Variants in GRM7 observed in about 807,000 individuals in gnomAD.
GRM7 encodes the protein glutamate metabotropic receptor 7, also known as metabotropic glutamate receptor 7.
In GRM7, 35 loss-of-function variants were observed where a neutral mutation model predicts 84.5. The observed-to-expected ratio is 0.41, with a 90% CI of 0.32 to 0.55. GRM7 has a LOEUF of 0.55. Ranked by LOEUF, GRM7 falls within the 20% of genes least tolerant of loss-of-function variation. GRM7 has a pLI of 0.19. For missense variants in GRM7, 1,003 were observed against 1,194.6 expected (o/e 0.84, Z 2.36); for synonymous variants, 487 against 455.1 (o/e 1.07, Z -0.89).
intron 4 of GRM7, among the ~76,000 whole-genome samples, chr3:7,390,147 G>A (rs983399787): frequency 2.6e-5 from 4 of 151,882 alleles, no homozygotes; most frequent in African/African-American, 7.3e-5. Context: ...TTCTCAGCTG[G>A]CATTTTTTTC....
At chr3:6,938,060 G>A (rs143568921) in intron 1 of GRM7, among the ~76,000 whole-genome samples, 1,681 of 152,248 alleles carry the variant, frequency 0.011, 12 homozygotes, top group Middle Eastern at 0.054. Flanking sequence ...CACAAGTTAG[G>A]TTGTCTGACT....
At chr3:7,036,899 C>A (rs903754298) in intron 1 of GRM7, among the ~76,000 whole-genome samples, 16 of 152,094 alleles carry the variant, frequency 1.1e-4, no homozygotes, top group Non-Finnish European at 2.9e-5. Flanking sequence ...CAAGTTGCTC[C>A]ATCTACAAAA....
At chr3:6,968,308 T>A (rs1693609816) in intron 1 of GRM7, among the ~76,000 whole-genome samples, 1 of 152,228 alleles carries the variant, frequency 6.6e-6, no homozygotes, top group Non-Finnish European at 1.5e-5. Flanking sequence ...CTTCTTATTA[T>A]GAGAACACTA....
At chr3:7,131,345 G>A (rs1693591720) in intron 1 of GRM7, among the ~76,000 whole-genome samples, 1 of 152,142 alleles carries the variant, frequency 6.6e-6, no homozygotes, top group African/African-American at 2.4e-5. Flanking sequence ...AGTGATGCCG[G>A]TATCCTCATG....
At chr3:6,993,347 A>G (rs1237942093) in intron 1 of GRM7, among the ~76,000 whole-genome samples, 2 of 152,208 alleles carry the variant, frequency 1.3e-5, no homozygotes, top group African/African-American at 2.4e-5. Context: ...GGAGGTATCA[A>G]AAAGGAGCAG....
chr3:7,336,027 A>G (rs565814707), intron 4 of GRM7, among the ~76,000 whole-genome samples: 2 of 152,154 alleles, frequency 1.3e-5, no homozygotes, highest in South Asian at 4.1e-4. Flanking sequence ...TAAAGAGGGA[A>G]TTCTCCCTAA....
At chr3:7,202,274 A>C (rs1045745943) in intron 2 of GRM7, among the ~76,000 whole-genome samples, 1 of 152,130 alleles carries the variant, frequency 6.6e-6, no homozygotes, top group Non-Finnish European at 1.5e-5. Context: ...GTTTATTGCC[A>C]TTCCTCAATT....
intron 4 of GRM7, among the ~76,000 whole-genome samples, chr3:7,391,684 T>A (rs1164904261): frequency 6.6e-6 from 1 of 151,548 alleles, no homozygotes; most frequent in Non-Finnish European, 1.5e-5. Flanking sequence ...ATTGTGCACA[T>A]GTACCCTAGA....
At chr3:7,074,908 G>A (rs1240731674) in intron 1 of GRM7, among the ~76,000 whole-genome samples, 2 of 152,166 alleles carry the variant, frequency 1.3e-5, no homozygotes, top group African/African-American at 4.8e-5. Context: ...AAAGCCAGCT[G>A]AACTTGTAAC....
intron 8 of GRM7, among the ~76,000 whole-genome samples, chr3:7,656,244 T>C (rs1310110112): frequency 1.3e-5 from 2 of 152,090 alleles, no homozygotes; most frequent in Admixed American, 6.6e-5. Flanking sequence ...AAGCCCAGCA[T>C]TTGGGAGGCC....
intron 1 of GRM7, among the ~76,000 whole-genome samples, chr3:6,945,708 A>C (rs1462754782): frequency 1.3e-5 from 2 of 152,102 alleles, no homozygotes; most frequent in African/African-American, 4.8e-5. Flanking sequence ...ATTTCTCCAC[A>C]TCCTCTCCAG....
chr3:7,348,534 C>T (rs780039155), intron 4 of GRM7, among the ~76,000 whole-genome samples: 13 of 151,984 alleles, frequency 8.6e-5, no homozygotes, highest in Non-Finnish European at 1.8e-4. Context: ...CCAAATAGAC[C>T]CCAAGTGCAT....
At chr3:7,627,737 C>T (rs1029499562) in intron 8 of GRM7, among the ~76,000 whole-genome samples, 2 of 152,146 alleles carry the variant, frequency 1.3e-5, no homozygotes, top group Admixed American at 1.3e-4. Flanking sequence ...TAGGTGTTAG[C>T]AGAATTGGTT....
At chr3:6,925,480 C>T (rs1697266920) in intron 1 of GRM7, among the ~76,000 whole-genome samples, 1 of 152,106 alleles carries the variant, frequency 6.6e-6, no homozygotes, top group African/African-American at 2.4e-5. Flanking sequence ...TCAGCACCCT[C>T]CTCAGATGAG....
rs1698467010 is a variant in GRM7, at chr3:7,086,602, GCCTCTAGAGCTCCACATCAACGTAT to G, written c.520-59846_520-59822del. 2.0e-5 allele frequency among the ~76,000 whole-genome samples: 3 copies of G among 152,178 alleles called. No individual in the cohort carries two copies. In the South Asian group the frequency reaches 6.2e-4, roughly 31 times the overall value. The stretch of plus-strand genomic sequence containing the variant: ...CTTCTGTGCAACTTGATGTTTGCCA[GCCTCTAGAGCTCCACATCAACGTAT>G]CCTGCTCAGTGCTTTGTTCATCTTT... On this transcript the variant is annotated intron_variant, in intron 1 of 9. Coordinates refer to ENST00000357716, the MANE Select transcript of GRM7 (RefSeq NM_000844.4).
intron 1 of GRM7, among the ~76,000 whole-genome samples, chr3:7,033,587 T>G (rs933997644): frequency 1.3e-5 from 2 of 152,174 alleles, no homozygotes; most frequent in Non-Finnish European, 2.9e-5. Flanking sequence ...TTACAAAATG[T>G]TTATGAAAGG....
At chr3:7,177,591 A>G (rs1017429414) in intron 2 of GRM7, among the ~76,000 whole-genome samples, 3 of 151,126 alleles carry the variant, frequency 2.0e-5, no homozygotes, top group Non-Finnish European at 4.4e-5. Flanking sequence ...ACAGAGTGAC[A>G]TGGAGGAGAC....
intron 7 of GRM7, among the ~76,000 whole-genome samples, chr3:7,516,476 CAAAAAAAAAAAA>C (rs34508559): frequency 0.023 from 974 of 42,480 alleles, 27 homozygotes; most frequent in African/African-American, 0.062. Flanking sequence ...GACTCCCTCT[CAAAAAAAAAAAA>C]AAAAAAAAAA....
At chr3:7,269,930 C>T (rs1698791328) in intron 2 of GRM7, among the ~76,000 whole-genome samples, 1 of 152,024 alleles carries the variant, frequency 6.6e-6, no homozygotes. Flanking sequence ...TCTCCCTGTC[C>T]CCTAATCTTT....
Sources: allele counts gnomAD v4.1 joint callset (sites outside exome capture counted in the v4.1 genomes callset), GRCh38; gene constraint gnomAD v4.1.1; transcripts MANE v1.5; gene names NCBI Gene and HGNC (gene_info 2026-07-23, HGNC 2026-07-21).